Variants in CTTN observed in about 807,000 individuals in gnomAD.
CTTN encodes the protein src substrate cortactin.
In CTTN, 28 loss-of-function variants were observed where a neutral mutation model predicts 84.0. The observed-to-expected ratio is 0.33, with a 90% CI of 0.25 to 0.46. CTTN has a LOEUF of 0.46. Among genes scored for constraint, CTTN ranks in the 20% least tolerant of loss-of-function variants. The pLI is 1.00. For missense variants in CTTN, 641 were observed against 723.8 expected, an observed-to-expected ratio of 0.89 and a Z score of 1.31; for synonymous variants, 301 against 288.8, an observed-to-expected ratio of 1.04 and a Z score of -0.43.
At chr11:70,424,829 C>T (rs998606056) in intron 12 of CTTN, among the ~76,000 whole-genome samples, 18 of 152,184 alleles carry the variant, frequency 1.2e-4, no homozygotes, top group African/African-American at 3.6e-4. Context: ...AAACTGGGTA[C>T]GGCCACTGGT....
intron 1 of CTTN, among the ~76,000 whole-genome samples, chr11:70,399,924 C>T (rs1166201677): frequency 6.6e-6 from 1 of 152,168 alleles, no homozygotes; most frequent in Non-Finnish European, 1.5e-5. Context: ...GGCCGTGGCG[C>T]AGGAGGGGCT....
At chr11:70,403,177 TAA>T (rs1233067976) in intron 1 of CTTN, among the ~76,000 whole-genome samples, 5 of 150,040 alleles carry the variant, frequency 3.3e-5, no homozygotes, top group Non-Finnish European at 7.4e-5. Flanking sequence ...TATTGAATTA[TAA>T]GAGTTCCTTT....
chr11:70,434,666 C>T (rs2058394561), intron 17 of CTTN, among the ~76,000 whole-genome samples: 2 of 152,278 alleles, frequency 1.3e-5, no homozygotes, highest in African/African-American at 4.8e-5. Context: ...TGTCCTTCCA[C>T]TGCGGCCTCC....
chr11:70,409,152 T>C (rs560670180), intron 4 of CTTN, among the ~76,000 whole-genome samples: 1 of 152,234 alleles, frequency 6.6e-6, no homozygotes, highest in African/African-American at 2.4e-5. Context: ...ATTCTAGGAT[T>C]GTCGTCCAGA....
chr11:70,432,129 T>C (rs1443588913), intron 15 of CTTN, among the ~76,000 whole-genome samples: 3 of 152,178 alleles, frequency 2.0e-5, no homozygotes, highest in African/African-American at 7.2e-5. Context: ...ACCACCCGAC[T>C]GTCCCTCCTT....
Position 70,420,098 on chromosome 11 carries a change from A to T in CTTN, c.679+242A>T, listed in dbSNP as rs2058213264. The T allele has an allele frequency of 5.0e-6, 3 of 597,744 alleles. No homozygotes were observed. The South Asian group carries it at 6.3e-5, about 12-fold the overall frequency. 37.0% of individuals were successfully genotyped at this position (597,744 alleles called of 1,614,324 possible). The stretch of plus-strand genomic sequence containing the variant: ...GCTTATCGTGGTGGCCACACCCCGC[A>T]CGTCTGTGTTGCCCGTGTGAGCCTG... On this transcript the variant is annotated intron_variant, in intron 9 of 17. Transcript: ENST00000301843.
At chr11:70,433,014 TG>T in intron 15 of CTTN, 86 bp from the exon 16 acceptor site, 1 of 1,381,138 alleles carries the variant, frequency 7.2e-7, no homozygotes, top group Non-Finnish European at 1.0e-6. Flanking sequence ...AGATGGCCCG[TG>T]GGTTTCTGCT....
At position 70,409,742 on chromosome 11, in the gene CTTN, A is replaced by G. The variant is rs1020638883; in HGVS notation, c.162-89A>G. ...AGCAGATTTACAAATTTACAAAGAT[A>G]ATGTCACCTGTTCTTATTTATCATA... is the stretch of plus-strand genomic sequence containing the variant. On this transcript the variant is annotated intron_variant, in intron 4 of 17. Coordinates refer to ENST00000301843, the MANE Select transcript of CTTN (RefSeq NM_005231.4). 3 of 1,378,318 alleles carry G rather than the reference A, an allele frequency of 2.2e-6. No homozygotes were observed. In the African/African-American group the frequency reaches 4.3e-5, roughly 20 times the overall value. The allele number at this position is 1,378,318 out of a possible 1,614,324, so 85.4% of individuals were successfully genotyped here.
In CTTN at chr11:70,435,308, T is replaced by C; in HGVS notation, c.*146T>C. 1.4e-6 allele frequency: 2 copies of C among 1,416,986 alleles called. No homozygotes were observed. Among genetic ancestry groups the C allele is most frequent in the South Asian group, 3.0e-5 (2 of 65,676 alleles). 87.8% of individuals were successfully genotyped at this position (1,416,986 alleles called of 1,614,324 possible). ...GTGGGGAGGGGAATATACACATTGC[T>C]TTTATATTTAATACTTTTGCTGATG... is the stretch of plus-strand genomic sequence containing the variant. On this transcript the variant is annotated 3_prime_UTR_variant, in exon 18 of 18. Coordinates refer to ENST00000301843, the MANE Select transcript of CTTN (RefSeq NM_005231.4).
chr11:70,419,756 A>G lies in CTTN; in HGVS notation c.579A>G (p.Lys193=). ...EKHESQRDYS[K]GFGGKYGIDK... is the part of the protein sequence containing the mutation. ...TTTGTTTGTTTTTAGATTACTCCAA[A>G]GGTTTCGGCGGCAAATACGGTATCG... The change falls in exon 9 of 18, where the codon AAA becomes AAG. Residue 193 remains lysine (K), a synonymous_variant. Coordinates refer to ENST00000301843, the MANE Select transcript of CTTN (RefSeq NM_005231.4). 2 of 1,609,640 alleles carry G rather than the reference A, an allele frequency of 1.2e-6. No homozygotes were observed. The highest frequency in any genetic ancestry group is 1.7e-6 in the Non-Finnish European group (2 of 1,179,102).
At position 70,403,946 on chromosome 11, in the gene CTTN, T is replaced by G. The variant is rs540941939; in HGVS notation, c.-97-1319T>G. On this transcript the variant is annotated intron_variant, in intron 1 of 17. Coordinates refer to ENST00000301843, the MANE Select transcript of CTTN (RefSeq NM_005231.4). ...CCCAGGCTGGGGTGCAGTGGTGTGA[T>G]CATGGCTCACTGCAACCTTGAGCTC... Among the ~76,000 whole-genome samples, 8 of 152,274 alleles carry G rather than the reference T, an allele frequency of 5.3e-5. No homozygotes were observed. In the South Asian group the frequency reaches 1.2e-3, roughly 24 times the overall value.
chr11:70,400,946 C>T (rs374053132), intron 1 of CTTN, among the ~76,000 whole-genome samples: 1 of 152,154 alleles, frequency 6.6e-6, no homozygotes, highest in African/African-American at 2.4e-5. Flanking sequence ...ATTTTGGCTA[C>T]GCAAGTGTCT....
At chr11:70,399,905 C>T (rs1336577620) in intron 1 of CTTN, among the ~76,000 whole-genome samples, 1 of 152,134 alleles carries the variant, frequency 6.6e-6, no homozygotes, top group Non-Finnish European at 1.5e-5. Flanking sequence ...CAAGCCCGGC[C>T]GGGCCCAAGG....
At chr11:70,422,387 C>A in intron 11 of CTTN, 1 of 683,834 alleles carries the variant, frequency 1.5e-6, no homozygotes, top group Non-Finnish European at 2.3e-6. Context: ...ATGGAGATGG[C>A]AGTGGCTCTC....
chr11:70,413,508 G>A (rs1295189110), intron 5 of CTTN, among the ~76,000 whole-genome samples: 1 of 152,202 alleles, frequency 6.6e-6, no homozygotes, highest in Non-Finnish European at 1.5e-5. Flanking sequence ...AATCACACAA[G>A]CAGCTGTGGA....
rs184774279 is a variant in CTTN, at chr11:70,424,111, C to T, written c.957+1116C>T. On this transcript the variant is annotated intron_variant, in intron 12 of 17. Coordinates refer to ENST00000301843, the MANE Select transcript of CTTN (RefSeq NM_005231.4). ...CAGCGAGAGAGAGCTGGGGTAGGGC[C>T]GGGGCCGGGTCCGGGTGGCGTGCAG... is the stretch of plus-strand genomic sequence containing the variant. Among the ~76,000 whole-genome samples, 14 of 152,020 alleles carry T rather than the reference C, an allele frequency of 9.2e-5. No homozygotes were observed. In the East Asian group the frequency reaches 2.7e-3, roughly 30 times the overall value.
chr11:70,420,342 C>T (rs2058216814), intron 9 of CTTN, 58 bp from the exon 10 acceptor site: 1 of 1,113,706 alleles, frequency 9.0e-7, no homozygotes, highest in Middle Eastern at 2.0e-4. Flanking sequence ...ACATACTTTC[C>T]ACCTGTGACC....
intron 2 of CTTN, among the ~76,000 whole-genome samples, chr11:70,406,181 C>A (rs977763832): frequency 6.6e-6 from 1 of 152,200 alleles, no homozygotes; most frequent in African/African-American, 2.4e-5. Flanking sequence ...ACGGTTCTTC[C>A]CCAAGAGACA....
At chr11:70,407,907 C>T (rs895563055) in intron 4 of CTTN, 2 of 316,758 alleles carry the variant, frequency 6.3e-6, no homozygotes, top group Non-Finnish European at 1.2e-5. Flanking sequence ...AACATTTGTC[C>T]CTAAGCTCTA....
Sources: allele counts gnomAD v4.1 joint callset (sites outside exome capture counted in the v4.1 genomes callset), GRCh38; gene constraint gnomAD v4.1.1; transcripts MANE v1.5; gene names NCBI Gene and HGNC (gene_info 2026-07-23, HGNC 2026-07-21).